Variants in PRR15L observed in about 807,000 individuals in gnomAD.
The protein encoded by PRR15L is proline rich 15 like, also known as proline-rich protein 15-like protein.
A neutral mutation model predicts 3.7 loss-of-function variants in PRR15L; 1 was observed. The observed-to-expected ratio is 0.27, with a 90% CI of 0.09 to 1.27. The LOEUF is 1.27. PRR15L is among the 50% of genes most tolerant of loss of function. PRR15L has a pLI of 0.47. For synonymous variants in PRR15L, 57 were observed against 51.9 expected (o/e 1.10, Z -0.42); for missense variants, 127 against 128.7 (o/e 0.99, Z 0.06).
intron 1 of PRR15L, among the ~76,000 whole-genome samples, chr17:47,954,688 A>T (rs1007942089): frequency 1.3e-5 from 2 of 152,226 alleles, no homozygotes; most frequent in African/African-American, 4.8e-5. Flanking sequence ...ATAGAAGCAG[A>T]TGACAGTCTG....
At chr17:47,956,364 C>T (rs560143103) in intron 1 of PRR15L, among the ~76,000 whole-genome samples, 105 of 152,192 alleles carry the variant, frequency 6.9e-4, no homozygotes, top group African/African-American at 2.4e-3. Flanking sequence ...CCCAGCTACT[C>T]GGGAGGCTGA....
rs575050990 is a variant in PRR15L at position 47,953,110 on chromosome 17, G to C, written c.125C>G (p.Pro42Arg). Residue 42 changes from proline (P) to arginine (R), a missense_variant, in exon 2 of 2, where the codon CCT (proline) becomes CGT (arginine). Pro to Arg is a moderately radical substitution (Grantham distance 103). Coordinates refer to ENST00000300557, the MANE Select transcript of PRR15L (RefSeq NM_024320.4). The part of the protein sequence containing the change: ...QTEGDAEPPR[P>R]DAGGPNSDFN... Reference sequence around the variant, plus strand: ...GTCGCTGTTGGGGCCTCCAGCGTCAGGCCTCGGGGGTTCTGCATCTCCCTC... The same window carrying C: ...GTCGCTGTTGGGGCCTCCAGCGTCACGCCTCGGGGGTTCTGCATCTCCCTC... 6.2e-7 allele frequency: 1 copy of C among 1,614,184 alleles called. No homozygotes were observed. Among genetic ancestry groups the C allele is most frequent in the Admixed American group, 1.7e-5 (1 of 60,024 alleles).
chr17:47,952,762 C>G lies in PRR15L; in HGVS notation c.*161G>C. 1.5e-6 allele frequency: 1 copy of G among 675,028 alleles called. No individual in the cohort carries two copies. The highest frequency in any genetic ancestry group is 2.8e-5 in the East Asian group (1 of 36,088). 41.8% of individuals were successfully genotyped at this position (675,028 alleles called of 1,614,324 possible). A position where few individuals can be genotyped will look rare whatever the true frequency, so the allele number is the denominator to read the frequency against. On this transcript the variant is annotated 3_prime_UTR_variant, in exon 2 of 2. Transcript: ENST00000300557. ...GATCTCCCAGGCCTTACAAAAGTGG[C>G]GGCACATAAATACAAACCTAAAAAA...
intron 1 of PRR15L, among the ~76,000 whole-genome samples, chr17:47,955,086 C>T (rs1374774649): frequency 1.8e-4 from 28 of 151,904 alleles, no homozygotes; most frequent in Admixed American, 1.7e-3. Flanking sequence ...TGCGCCACCA[C>T]GCCCGGCTAA....
intron 1 of PRR15L, among the ~76,000 whole-genome samples, chr17:47,957,245 C>A (rs1282690989): frequency 6.6e-6 from 1 of 152,188 alleles, no homozygotes; most frequent in Non-Finnish European, 1.5e-5. Flanking sequence ...GGCAGGGGGA[C>A]AGATAGGGGA....
intron 1 of PRR15L, among the ~76,000 whole-genome samples, chr17:47,957,324 A>C (rs1195679601): frequency 6.6e-6 from 1 of 152,240 alleles, no homozygotes; most frequent in Non-Finnish European, 1.5e-5. Context: ...GCAGGGCCCC[A>C]ATGGCACTTA....
Position 47,953,229 on chromosome 17 carries a change from C to A in PRR15L, c.6G>T (p.Thr2=). The A allele has an allele frequency of 1.9e-6, 3 of 1,570,026 alleles. No homozygotes were observed. The highest frequency in any genetic ancestry group is 2.4e-5 in the South Asian group (2 of 84,112). The change falls in exon 2 of 2, where the codon ACG becomes ACT. Residue 2 remains threonine, a synonymous_variant. Coordinates refer to ENST00000300557, the MANE Select transcript of PRR15L (RefSeq NM_024320.4). M[T]TEIGWWKLTF... ...TCAGCTTCCACCAACCAATTTCAGT[C>A]GTCATGGCGCTCCCTAAGCCAAGGA...
intron 1 of PRR15L, among the ~76,000 whole-genome samples, chr17:47,954,237 C>T (rs974924052): frequency 6.6e-6 from 1 of 152,146 alleles, no homozygotes; most frequent in Non-Finnish European, 1.5e-5. Context: ...CACTGGCAAG[C>T]CACCACCTCT....
At chr17:47,955,573 C>T (rs1012100990) in intron 1 of PRR15L, among the ~76,000 whole-genome samples, 3 of 152,106 alleles carry the variant, frequency 2.0e-5, no homozygotes, top group Admixed American at 6.5e-5. Context: ...TTGTGCAGCT[C>T]CCGCTCAGAA....
In PRR15L at chr17:47,952,777, A is replaced by G; in HGVS notation, c.*146T>C. On this transcript the variant is annotated 3_prime_UTR_variant, in exon 2 of 2. Coordinates refer to ENST00000300557, the MANE Select transcript of PRR15L (RefSeq NM_024320.4). ...ACAAAAGTGGCGGCACATAAATACAAACCTAAAAAACAGCCATTTCCTGCC... is the reference window on the plus strand; with the variant it reads ...ACAAAAGTGGCGGCACATAAATACAGACCTAAAAAACAGCCATTTCCTGCC... 1 of 796,054 alleles carries G rather than the reference A, an allele frequency of 1.3e-6. No individual in the cohort carries two copies. The highest frequency in any genetic ancestry group is 1.9e-6 in the Non-Finnish European group (1 of 519,138). 49.3% of individuals were successfully genotyped at this position (796,054 alleles called of 1,614,324 possible). A position where few individuals can be genotyped will look rare whatever the true frequency, so the allele number is the denominator to read the frequency against.
chr17:47,953,054 T>G lies in PRR15L; in HGVS notation c.181A>C (p.Lys61Gln). The G allele has an allele frequency of 6.2e-7, 1 of 1,614,202 alleles. No homozygotes were observed. Among genetic ancestry groups the G allele is most frequent in the Non-Finnish European group, 8.5e-7 (1 of 1,180,030 alleles). Residue 61 changes from lysine to glutamine, a missense_variant, in exon 2 of 2, where the codon AAG becomes CAG. Lys to Gln is a moderately conservative substitution (Grantham distance 53). Transcript: ENST00000300557. ...TTGACGTGCTTGCCCTTTGTGCTCT[T>G]GTCCACAATCTTCTCCAGGCGGGTG... is the stretch of plus-strand genomic sequence containing the variant. The part of the protein sequence containing the change: ...FNTRLEKIVD[K>Q]STKGKHVKVS...
chr17:47,953,708 T>C (rs975283734), intron 1 of PRR15L, among the ~76,000 whole-genome samples: 4 of 151,092 alleles, frequency 2.6e-5, no homozygotes, highest in Admixed American at 1.3e-4. Context: ...AGAAAGAATT[T>C]AAGGTAGGGC....
chr17:47,956,176 G>GC (rs2036126808), intron 1 of PRR15L, among the ~76,000 whole-genome samples: 1 of 152,174 alleles, frequency 6.6e-6, no homozygotes, highest in African/African-American at 2.4e-5. Flanking sequence ...AGAATACTCT[G>GC]CCAGAGGCCA....
chr17:47,953,263 T>G lies in PRR15L; in HGVS notation c.-29A>C. On this transcript the variant is annotated splice_region_variant and 5_prime_UTR_variant, in exon 2 of 2. Transcript: ENST00000300557. ...GCTCCCTAAGCCAAGGATGGGGCTT[T>G]CTGCTGGAGCAGGGTGGGGGAGACA... The G allele has an allele frequency of 6.6e-7, 1 of 1,518,906 alleles. No individual in the cohort carries two copies. Among genetic ancestry groups the G allele is most frequent in the Non-Finnish European group, 8.8e-7 (1 of 1,133,276 alleles). The allele number at this position is 1,518,906 out of a possible 1,614,324, so 94.1% of individuals were successfully genotyped here.
At chr17:47,953,302 G>T in intron 1 of PRR15L, 39 bp from the exon 2 acceptor site, 2 of 1,300,344 alleles carry the variant, frequency 1.5e-6, no homozygotes, top group Non-Finnish European at 2.1e-6. Flanking sequence ...GGGTCAGTGG[G>T]AAAAGGGGGT....
chr17:47,955,327 T>A (rs1024878275), intron 1 of PRR15L, among the ~76,000 whole-genome samples: 43 of 152,124 alleles, frequency 2.8e-4, no homozygotes, highest in African/African-American at 1.0e-3. Context: ...ATTTTAGGGG[T>A]GGGGGAGCAT....
chr17:47,955,473 T>G (rs1235111917), intron 1 of PRR15L, among the ~76,000 whole-genome samples: 3 of 151,954 alleles, frequency 2.0e-5, no homozygotes, highest in African/African-American at 7.3e-5. Flanking sequence ...GTGGATTCCT[T>G]CCCACCTCTC....
chr17:47,956,557 G>C (rs2036131014), intron 1 of PRR15L, among the ~76,000 whole-genome samples: 1 of 152,204 alleles, frequency 6.6e-6, no homozygotes, highest in Non-Finnish European at 1.5e-5. Context: ...GTGGGGACCA[G>C]TAAGCAGGTG....
rs1387198974 is a variant in PRR15L at position 47,952,906 on chromosome 17, G to A, written c.*17C>T. The A allele has an allele frequency of 6.2e-7, 1 of 1,602,240 alleles. No individual in the cohort carries two copies. Among genetic ancestry groups the A allele is most frequent in the Non-Finnish European group, 8.5e-7 (1 of 1,173,954 alleles). The stretch of plus-strand genomic sequence containing the variant: ...GATGGCAGGGAGCCAAGAGGTGCTA[G>A]CACCCTCCTCAGCCCTTCACTTTGA... On this transcript the variant is annotated 3_prime_UTR_variant, in exon 2 of 2. Coordinates refer to ENST00000300557, the MANE Select transcript of PRR15L (RefSeq NM_024320.4).
Sources: allele counts gnomAD v4.1 joint callset (sites outside exome capture counted in the v4.1 genomes callset), GRCh38; gene constraint gnomAD v4.1.1; transcripts MANE v1.5; gene names NCBI Gene and HGNC (gene_info 2026-07-23, HGNC 2026-07-21).